ANKS3: variants seen among roughly 807,000 people sequenced by gnomAD.
ANKS3 encodes ankyrin repeat and SAM domain-containing protein 3.
In ANKS3, 62 loss-of-function variants were observed where a neutral mutation model predicts 80.7. The observed-to-expected ratio is 0.77, with a 90% confidence interval of 0.63 to 0.95. ANKS3 has a LOEUF of 0.95. Among genes scored for constraint, ANKS3 ranks in the 40% least tolerant of loss-of-function variants. The probability of loss-of-function intolerance (pLI) is 0.00; values close to 1 mark genes in which losing one functional copy is unlikely to be tolerated. For missense variants in ANKS3, 1,150 were observed against 883.6 expected, an observed-to-expected ratio of 1.30 and a Z score of -3.82; for synonymous variants, 489 against 355.3, an observed-to-expected ratio of 1.38 and a Z score of -4.23.
intron 3 of ANKS3, chr16:4,727,755 T>C (rs948359546): frequency 6.5e-6 from 1 of 153,170 alleles, no homozygotes; most frequent in South Asian, 2.1e-4. Context: ...TCACCTCACC[T>C]TAAAGAAACA....
chr16:4,705,610 G>A (rs1217550174), intron 7 of ANKS3, among the ~76,000 whole-genome samples: 2 of 151,930 alleles, frequency 1.3e-5, no homozygotes, highest in African/African-American at 4.8e-5. Context: ...GGTTACAGAT[G>A]CGTGCCACCA....
intron 6 of ANKS3, among the ~76,000 whole-genome samples, chr16:4,719,964 C>A (rs557442856): frequency 6.7e-6 from 1 of 149,704 alleles, no homozygotes; most frequent in Non-Finnish European, 1.5e-5. Context: ...GAGTTCGAGA[C>A]CAGCCTGGCC....
chr16:4,698,458 G>C lies in ANKS3; in HGVS notation c.1693C>G (p.Arg565Gly), dbSNP rs749618193. The C allele has an allele frequency of 2.6e-6, 4 of 1,541,004 alleles. No individual in the cohort carries two copies. Among genetic ancestry groups the C allele is most frequent in the Non-Finnish European group, 3.5e-6 (4 of 1,150,260 alleles). Residue 565 changes from arginine (R) to glycine (G), a missense_variant, in exon 14 of 18, where the codon CGG (arginine) becomes GGG (glycine). Arg to Gly is a moderately radical substitution (Grantham distance 125). Transcript: ENST00000304283. The part of the protein sequence containing the change: ...ARLRETWALA[R>G]DAALVLDQLR... ...TGGTCCAGGACGAGGGCAGCATCCC[G>C]GGCCAGGGCCCACGTCTCCCGCAGC...
chr16:4,719,837 A>G (rs996075120), intron 6 of ANKS3, among the ~76,000 whole-genome samples: 4 of 152,102 alleles, frequency 2.6e-5, no homozygotes, highest in Admixed American at 6.6e-5. Context: ...TTATTTGCAG[A>G]AAAAGAAACC....
Position 4,697,329 on chromosome 16 carries a change from T to G in ANKS3, c.1894+4A>C. 1 of 1,600,746 alleles carries G rather than the reference T, an allele frequency of 6.2e-7. No individual in the cohort carries two copies. The highest frequency in any genetic ancestry group is 8.5e-7 in the Non-Finnish European group (1 of 1,172,382). ...GCTCAGTCGTCTGGTCCCCGGAGACTCACCCATCTCACGGACACGGTCCTC... is the reference window on the plus strand; with the variant it reads ...GCTCAGTCGTCTGGTCCCCGGAGACGCACCCATCTCACGGACACGGTCCTC... On this transcript the variant is annotated splice_donor_region_variant and intron_variant, in intron 16 of 17. Transcript: ENST00000304283.
chr16:4,715,647 G>A (rs1319861324), intron 6 of ANKS3, among the ~76,000 whole-genome samples: 4 of 151,982 alleles, frequency 2.6e-5, no homozygotes, highest in African/African-American at 4.8e-5. Context: ...TTACAACTCC[G>A]GCAAAATGAG....
At chr16:4,733,202 CAAAA>C (rs56944690) in intron 1 of ANKS3, among the ~76,000 whole-genome samples, 3 of 70,524 alleles carry the variant, frequency 4.3e-5, no homozygotes, top group South Asian at 7.1e-4. Flanking sequence ...GACTCCGTCT[CAAAA>C]AAAAAAAAAA....
At chr16:4,718,725 G>T (rs1263654206) in intron 6 of ANKS3, among the ~76,000 whole-genome samples, 3 of 152,206 alleles carry the variant, frequency 2.0e-5, no homozygotes, top group Non-Finnish European at 2.9e-5. Flanking sequence ...AGGCCATCGG[G>T]CCACCTGCTG....
In ANKS3 at chr16:4,734,026, A is replaced by G. The variant is rs2081815931; in HGVS notation, c.-159T>C. 4.1e-6 allele frequency: 4 copies of G among 985,118 alleles called. No homozygotes were observed. In the South Asian group the frequency reaches 1.4e-4, roughly 35 times the overall value. 61.0% of individuals were successfully genotyped at this position (985,118 alleles called of 1,614,324 possible). A position where few individuals can be genotyped will look rare whatever the true frequency, so the allele number is the denominator to read the frequency against. ...ATTACTGTGCCCCCACCACAACCAC[A>G]TAAAGAAAATGTGGGGGCTCGGTCC... On this transcript the variant is annotated 5_prime_UTR_variant, in exon 1 of 18. The change abolishes an upstream ATG in the 5' untranslated region. Transcript: ENST00000304283.
intron 6 of ANKS3, among the ~76,000 whole-genome samples, chr16:4,724,549 G>A (rs1260761400): frequency 1.3e-5 from 2 of 152,126 alleles, no homozygotes; most frequent in East Asian, 3.8e-4. Flanking sequence ...ACAGGAATAG[G>A]TGTCTATTTC....
chr16:4,701,678 C>G (rs1055456596), intron 9 of ANKS3, 135 bp from the exon 10 acceptor site: 1 of 703,386 alleles, frequency 1.4e-6, no homozygotes, highest in East Asian at 2.8e-5. Flanking sequence ...TTTCAAACTT[C>G]CTGCCTGTCC....
intron 9 of ANKS3, 140 bp downstream of exon 9, chr16:4,701,962 G>T: frequency 9.3e-7 from 1 of 1,080,146 alleles, no homozygotes; most frequent in East Asian, 2.8e-5. Context: ...CAAGAACCAG[G>T]GCCGTCCACA....
intron 8 of ANKS3, among the ~76,000 whole-genome samples, chr16:4,703,980 G>A (rs2080054686): frequency 1.3e-5 from 2 of 152,212 alleles, no homozygotes; most frequent in African/African-American, 2.4e-5. Context: ...ACCTCAGGCT[G>A]TAGCAGGTGG....
chr16:4,724,951 T>A (rs529849502), intron 5 of ANKS3, 120 bp from the exon 6 acceptor site: 4 of 742,200 alleles, frequency 5.4e-6, no homozygotes, highest in Non-Finnish European at 9.0e-6. Context: ...CGTAGAACAC[T>A]GTCCCTTTCC....
intron 7 of ANKS3, among the ~76,000 whole-genome samples, chr16:4,708,460 A>AG (rs1383354918): frequency 6.6e-6 from 1 of 152,214 alleles, no homozygotes; most frequent in Non-Finnish European, 1.5e-5. Flanking sequence ...TAGCAACAAA[A>AG]GGGCAACAAT....
intron 2 of ANKS3, 164 bp from the exon 3 acceptor site, chr16:4,730,315 G>C: frequency 1.7e-6 from 1 of 587,912 alleles, no homozygotes; most frequent in Non-Finnish European, 2.6e-6. Context: ...AATAATGTAT[G>C]CTTTGGGCAG....
intron 6 of ANKS3, among the ~76,000 whole-genome samples, chr16:4,720,450 A>T (rs1283911615): frequency 6.7e-6 from 1 of 149,254 alleles, no homozygotes; most frequent in Non-Finnish European, 1.5e-5. Context: ...TGACAGAGAG[A>T]GACTCCATCT....
intron 2 of ANKS3, among the ~76,000 whole-genome samples, chr16:4,730,940 C>T (rs531454564): frequency 1.3e-5 from 2 of 151,980 alleles, no homozygotes; most frequent in Non-Finnish European, 2.9e-5. Flanking sequence ...CTAACGGGGA[C>T]ATATCTAAAA....
At position 4,733,300 on chromosome 16, in the gene ANKS3, TA is replaced by T. The variant is rs200981489; in HGVS notation, c.-71+637del. Among the ~76,000 whole-genome samples, 1,180 of 151,892 alleles carry T rather than the reference TA, an allele frequency of 7.8e-3. 16 individuals are homozygous for T. Among genetic ancestry groups the T allele is most frequent in the African/African-American group, 0.027 (1,107 of 41,394 alleles). The stretch of plus-strand genomic sequence containing the variant: ...ATTGCACATTTTATTTATTTATTAT[TA>T]TTTTTTTTGAGACATAATCTCACTC... On this transcript the variant is annotated intron_variant, in intron 1 of 17. Transcript: ENST00000304283.
Sources: gnomAD v4.1 joint callset for allele counts (sites outside exome capture counted in the v4.1 genomes callset) on GRCh38, gnomAD v4.1.1 for gene constraint, MANE v1.5 for transcripts, NCBI Gene and HGNC (gene_info 2026-07-23, HGNC 2026-07-21) for gene names.